The following HHAT variants were observed in gnomAD, a reference collection of about 807,000 sequenced individuals.
The protein encoded by HHAT is hedgehog acyltransferase.
A neutral mutation model predicts 70.8 loss-of-function variants in HHAT; 47 were observed. That is an observed-to-expected ratio of 0.66 (90% CI 0.53 to 0.85). HHAT has a LOEUF of 0.85. Ranked by LOEUF, HHAT falls within the 40% of genes least tolerant of loss-of-function variation. HHAT has a pLI of 0.00. For missense variants in HHAT, 609 were observed against 604.8 expected, an observed-to-expected ratio of 1.01 and a Z score of -0.07; for synonymous variants, 228 against 247.6, an observed-to-expected ratio of 0.92 and a Z score of 0.74.
intron 7 of HHAT, among the ~76,000 whole-genome samples, chr1:210,430,954 AT>A (rs2093225432): frequency 6.6e-6 from 1 of 151,720 alleles, no homozygotes; most frequent in South Asian, 2.1e-4. Context: ...TTTATCTTAC[AT>A]TCTATAGCTG....
chr1:210,567,415 T>G (rs1655029724), intron 9 of HHAT, among the ~76,000 whole-genome samples: 1 of 152,154 alleles, frequency 6.6e-6, no homozygotes, highest in Non-Finnish European at 1.5e-5. Context: ...AGGTGGAAAT[T>G]TCCCAGAGTA....
chr1:210,328,895 G>T, upstream of HHAT: 1 of 708,116 alleles, frequency 1.4e-6, no homozygotes. Flanking sequence ...GGGCGCGGAG[G>T]GCGCGCGGGC....
intron 10 of HHAT, among the ~76,000 whole-genome samples, chr1:210,610,889 C>T (rs1024821959): frequency 1.1e-4 from 17 of 152,046 alleles, no homozygotes; most frequent in African/African-American, 4.1e-4. Context: ...GTTCTTGTAC[C>T]AGACACATAG....
chr1:210,329,119 AC>A lies in HHAT; in HGVS notation c.-44+17del. ...ACAGCCCGGAGGTTGGTAACTGGTG[AC>A]CATAGGGGGTCCTGGGGAGGTTAGA... On this transcript the variant is annotated intron_variant, in intron 1 of 11. Transcript: ENST00000261458. 1 of 1,366,200 alleles carries A rather than the reference AC, an allele frequency of 7.3e-7. No homozygotes were observed. Among genetic ancestry groups the A allele is most frequent in the Non-Finnish European group, 9.4e-7 (1 of 1,058,524 alleles). 84.6% of individuals were successfully genotyped at this position (1,366,200 alleles called of 1,614,324 possible).
intron 7 of HHAT, among the ~76,000 whole-genome samples, chr1:210,429,309 G>C (rs1340292181): frequency 6.6e-6 from 1 of 151,528 alleles, no homozygotes; most frequent in African/African-American, 2.4e-5. Flanking sequence ...CATTTTCCTA[G>C]TTGTCTCCAA....
Position 210,653,820 on chromosome 1 carries a change from C to A in HHAT, c.1391-20468C>A, listed in dbSNP as rs1315437297. Among the ~76,000 whole-genome samples the A allele has an allele frequency of 3.0e-4, 4 of 13,284 alleles. No homozygotes were observed. The Admixed American group carries it at 4.5e-3, about 15-fold the overall frequency. 8.7% of individuals were successfully genotyped at this position (13,284 alleles called of 152,430 possible). ...AGGTGCTGGGGCAGGAGCTGGAGGG[C>A]AGACCTTCTGCTTGTTGAGGGAGGG... On this transcript the variant is annotated intron_variant, in intron 11 of 11. Transcript: ENST00000261458.
At chr1:210,626,353 C>T (rs1475145816) in intron 11 of HHAT, among the ~76,000 whole-genome samples, 1 of 152,168 alleles carries the variant, frequency 6.6e-6, no homozygotes, top group African/African-American at 2.4e-5. Flanking sequence ...TATTTGTGTC[C>T]TCCTTGGACT....
intron 7 of HHAT, among the ~76,000 whole-genome samples, chr1:210,446,752 ATC>A (rs969449885): frequency 1.3e-5 from 2 of 152,136 alleles, no homozygotes; most frequent in Admixed American, 6.5e-5. Flanking sequence ...TGTCATTCCC[ATC>A]TCTGCTTAAA....
At chr1:210,577,516 T>G (rs1411518315) in intron 9 of HHAT, among the ~76,000 whole-genome samples, 1 of 152,140 alleles carries the variant, frequency 6.6e-6, no homozygotes, top group Non-Finnish European at 1.5e-5. Context: ...TCCTTGCACC[T>G]TAGGGGTAGA....
At chr1:210,403,767 C>T (rs139380976) in intron 5 of HHAT, among the ~76,000 whole-genome samples, 1 of 152,218 alleles carries the variant, frequency 6.6e-6, no homozygotes, top group East Asian at 1.9e-4. Flanking sequence ...TTAGAAAATA[C>T]TTCATAATTT....
chr1:210,595,737 T>G (rs1158299454), intron 10 of HHAT, among the ~76,000 whole-genome samples: 1 of 152,248 alleles, frequency 6.6e-6, no homozygotes, highest in Admixed American at 6.5e-5. Flanking sequence ...CATTTTTTCA[T>G]GTGTCTTTTG....
At chr1:210,614,738 A>G (rs1187855777) in intron 10 of HHAT, among the ~76,000 whole-genome samples, 1 of 152,206 alleles carries the variant, frequency 6.6e-6, no homozygotes, top group African/African-American at 2.4e-5. Context: ...AAAGGACATG[A>G]ACTCATCATT....
At chr1:210,485,271 G>A (rs1218971889) in intron 8 of HHAT, among the ~76,000 whole-genome samples, 1 of 152,120 alleles carries the variant, frequency 6.6e-6, no homozygotes, top group African/African-American at 2.4e-5. Context: ...TCCTCCTAGG[G>A]TATGCAGCAC....
At chr1:210,361,180 CAG>C (rs753799981) in intron 2 of HHAT, among the ~76,000 whole-genome samples, 2 of 152,356 alleles carry the variant, frequency 1.3e-5, no homozygotes, top group African/African-American at 4.8e-5. Flanking sequence ...CGGGAAGAGG[CAG>C]AAAGTTTTTC....
intron 10 of HHAT, among the ~76,000 whole-genome samples, chr1:210,612,981 G>A (rs1558273928): frequency 6.6e-6 from 1 of 152,066 alleles, no homozygotes; most frequent in Non-Finnish European, 1.5e-5. Flanking sequence ...TTTGGTTGTT[G>A]TGTTATAGGA....
At chr1:210,473,076 C>G (rs1359542691) in intron 8 of HHAT, among the ~76,000 whole-genome samples, 3 of 152,272 alleles carry the variant, frequency 2.0e-5, no homozygotes, top group East Asian at 3.9e-4. Flanking sequence ...AGAAAAGGAC[C>G]TGGAAAGGGA....
At chr1:210,570,203 C>T (rs918198143) in intron 9 of HHAT, among the ~76,000 whole-genome samples, 1 of 152,190 alleles carries the variant, frequency 6.6e-6, no homozygotes, top group African/African-American at 2.4e-5. Flanking sequence ...TGATCTCTAG[C>T]CCACATTCTG....
At chr1:210,665,170 C>A (rs1471618053) in intron 11 of HHAT, among the ~76,000 whole-genome samples, 2 of 152,212 alleles carry the variant, frequency 1.3e-5, no homozygotes, top group Non-Finnish European at 2.9e-5. Flanking sequence ...ATGTTGGTGA[C>A]ATTTAAGAAT....
At chr1:210,613,180 T>TA (rs1223724371) in intron 10 of HHAT, among the ~76,000 whole-genome samples, 2,086 of 152,308 alleles carry the variant, frequency 0.014, 49 homozygotes, top group African/African-American at 0.047. Context: ...AAGAAATCAT[T>TA]GCTAAATCCA....
Sources: gnomAD v4.1 joint callset for allele counts (sites outside exome capture counted in the v4.1 genomes callset) on GRCh38, gnomAD v4.1.1 for gene constraint, MANE v1.5 for transcripts, NCBI Gene and HGNC (gene_info 2026-07-23, HGNC 2026-07-21) for gene names.